Variants in STAC observed in about 807,000 individuals in gnomAD.
STAC encodes SH3 and cysteine rich domain.
Under a neutral mutation model 48.8 loss-of-function variants are expected in STAC, and 43 were observed. The observed-to-expected ratio is 0.88, with a 90% CI of 0.69 to 1.14. STAC has a LOEUF of 1.14. Ranked by LOEUF, STAC falls within the 50% of genes most tolerant of loss-of-function variation. The probability of loss-of-function intolerance (pLI) is 0.00; values close to 1 mark genes in which losing one functional copy is unlikely to be tolerated. For synonymous variants in STAC, 193 were observed against 179.5 expected (o/e 1.07, Z -0.60); for missense variants, 497 against 504.0 (o/e 0.99, Z 0.13).
At chr3:36,425,285 T>C (rs1271534558) in intron 1 of STAC, among the ~76,000 whole-genome samples, 2 of 152,232 alleles carry the variant, frequency 1.3e-5, no homozygotes, top group Admixed American at 6.5e-5. Flanking sequence ...CATATCGCTT[T>C]TGTCCTAGTC....
chr3:36,477,540 A>G (rs1245710539), intron 2 of STAC, among the ~76,000 whole-genome samples: 1 of 152,132 alleles, frequency 6.6e-6, no homozygotes, highest in African/African-American at 2.4e-5. Context: ...AGCACTGAGA[A>G]AAGCTTTTCA....
intron 5 of STAC, among the ~76,000 whole-genome samples, chr3:36,488,802 T>C (rs1292166829): frequency 1.3e-5 from 2 of 152,214 alleles, no homozygotes; most frequent in Non-Finnish European, 2.9e-5. Context: ...CTTTTCAGCC[T>C]ACCCTTGACA....
At chr3:36,531,137 A>G (rs76520144) in intron 10 of STAC, among the ~76,000 whole-genome samples, 17,045 of 152,244 alleles carry the variant, frequency 0.11, 1,149 homozygotes, top group Non-Finnish European at 0.15. Context: ...GCTGGGAGAC[A>G]TTAGTCCACT....
chr3:36,510,127 T>A (rs1477357743), intron 8 of STAC, among the ~76,000 whole-genome samples: 2 of 151,564 alleles, frequency 1.3e-5, no homozygotes, highest in African/African-American at 4.9e-5. Flanking sequence ...AAAAACCCCA[T>A]CAAAAAGTGG....
At chr3:36,403,052 T>C (rs1384892850) in intron 1 of STAC, among the ~76,000 whole-genome samples, 6 of 152,232 alleles carry the variant, frequency 3.9e-5, no homozygotes, top group South Asian at 2.1e-4. Context: ...AACTTTCTAA[T>C]TGATATCTTC....
rs572431575 is a variant in STAC at position 36,492,110 on chromosome 3, G to A, written c.688-1041G>A. 1.6e-4 allele frequency among the ~76,000 whole-genome samples: 20 copies of A among 124,614 alleles called. No homozygotes were observed. The South Asian group carries it at 5.9e-3, about 37-fold the overall frequency. 81.8% of individuals were successfully genotyped at this position (124,614 alleles called of 152,430 possible). On this transcript the variant is annotated intron_variant, in intron 5 of 10. Coordinates refer to ENST00000273183, the MANE Select transcript of STAC (RefSeq NM_003149.3). ...CCCCCTAAATTCCTCTTGTGAAGAGGATAGAGCCAGTTAGACTGAAGCTGG... is the reference window on the plus strand; with the variant it reads ...CCCCCTAAATTCCTCTTGTGAAGAGAATAGAGCCAGTTAGACTGAAGCTGG...
chr3:36,420,494 G>A (rs765316071), intron 1 of STAC, among the ~76,000 whole-genome samples: 13 of 152,254 alleles, frequency 8.5e-5, no homozygotes, highest in South Asian at 4.1e-4. Flanking sequence ...GAGCATTACC[G>A]CCTGAGCTCT....
rs1385708131 is a variant in STAC at position 36,464,492 on chromosome 3, A to G, written c.389-18500A>G. On this transcript the variant is annotated intron_variant, in intron 2 of 10. Transcript: ENST00000273183. ...TCAGGGAACAGGTGGCTTTGGTTAC[A>G]TAATAAGTTCTTTAGTGGTGATTTC... is the stretch of plus-strand genomic sequence containing the variant. 2.0e-5 allele frequency among the ~76,000 whole-genome samples: 3 copies of G among 152,186 alleles called. No individual in the cohort carries two copies. In the East Asian group the frequency reaches 5.8e-4, roughly 29 times the overall value.
intron 2 of STAC, among the ~76,000 whole-genome samples, chr3:36,474,291 T>C (rs544708857): frequency 2.0e-5 from 3 of 152,340 alleles, no homozygotes; most frequent in African/African-American, 7.2e-5. Flanking sequence ...TGGGCCAGGA[T>C]AGTTGCAGCC....
chr3:36,391,602 T>C (rs1286518588), intron 1 of STAC, among the ~76,000 whole-genome samples: 2 of 152,216 alleles, frequency 1.3e-5, no homozygotes, highest in Non-Finnish European at 2.9e-5. Context: ...TTTTTTCTCA[T>C]GTGCTCTTCT....
intron 8 of STAC, among the ~76,000 whole-genome samples, chr3:36,513,292 T>C (rs1171627187): frequency 6.6e-6 from 1 of 152,136 alleles, no homozygotes; most frequent in African/African-American, 2.4e-5. Context: ...TGCCCTCTCT[T>C]CCACAAACCT....
At chr3:36,466,962 A>G (rs1300565007) in intron 2 of STAC, among the ~76,000 whole-genome samples, 3 of 151,820 alleles carry the variant, frequency 2.0e-5, no homozygotes, top group Admixed American at 2.0e-4. Context: ...TCCCTTGTTC[A>G]ATATAAATGT....
At chr3:36,511,984 A>G (rs1013800498) in intron 8 of STAC, among the ~76,000 whole-genome samples, 1 of 152,140 alleles carries the variant, frequency 6.6e-6, no homozygotes, top group Non-Finnish European at 1.5e-5. Context: ...CTGGAGTCTC[A>G]CAACTCTCCC....
chr3:36,419,840 T>A (rs1700408362), intron 1 of STAC, among the ~76,000 whole-genome samples: 1 of 152,182 alleles, frequency 6.6e-6, no homozygotes, highest in South Asian at 2.1e-4. Flanking sequence ...CGAGACACCA[T>A]AAGGCTGCTT....
At chr3:36,441,240 TC>T (rs1185519150) in intron 1 of STAC, among the ~76,000 whole-genome samples, 1 of 152,136 alleles carries the variant, frequency 6.6e-6, no homozygotes, top group Non-Finnish European at 1.5e-5. Context: ...CTCCCTATCC[TC>T]CCTTCTCCCT....
intron 2 of STAC, among the ~76,000 whole-genome samples, chr3:36,466,881 A>G (rs777535690): frequency 2.0e-5 from 3 of 149,848 alleles, no homozygotes; most frequent in African/African-American, 4.9e-5. Flanking sequence ...TTCCACTACT[A>G]TGTTGAATAG....
intron 1 of STAC, among the ~76,000 whole-genome samples, chr3:36,440,949 T>C (rs954925621): frequency 6.6e-6 from 1 of 152,240 alleles, no homozygotes; most frequent in Non-Finnish European, 1.5e-5. Flanking sequence ...AAATTACTTT[T>C]ATGATTTTAT....
intron 2 of STAC, among the ~76,000 whole-genome samples, chr3:36,463,929 T>C (rs536735252): frequency 6.6e-6 from 1 of 152,226 alleles, no homozygotes; most frequent in South Asian, 2.1e-4. Context: ...TGTTGGACAT[T>C]TGGGTTGGTT....
intron 6 of STAC, among the ~76,000 whole-genome samples, chr3:36,494,705 G>T (rs1698091910): frequency 6.6e-6 from 1 of 152,122 alleles, no homozygotes; most frequent in African/African-American, 2.4e-5. Context: ...GGATTCTTTG[G>T]CATCACATGA....
Sources: allele counts gnomAD v4.1 joint callset (sites outside exome capture counted in the v4.1 genomes callset), GRCh38; gene constraint gnomAD v4.1.1; transcripts MANE v1.5; gene names NCBI Gene and HGNC (gene_info 2026-07-23, HGNC 2026-07-21).